SCHIP1: variants seen among roughly 807,000 people sequenced by gnomAD.
The protein encoded by SCHIP1 is schwannomin-interacting protein 1.
SCHIP1 carries 8 observed loss-of-function variants against 29.7 expected under a neutral mutation model. The ratio of observed to expected loss-of-function variants is 0.27; its 90% CI spans 0.16 to 0.49. The LOEUF (loss-of-function observed/expected upper bound fraction) is 0.49. SCHIP1 is among the 20% of genes least tolerant of loss of function. The pLI, the probability that SCHIP1 is intolerant of heterozygous loss-of-function variation, is 0.99. For synonymous variants in SCHIP1, 76 were observed against 94.9 expected (o/e 0.80, Z 1.16); for missense variants, 193 against 294.6 (o/e 0.66, Z 2.52).
the SCHIP1 span, among the ~76,000 whole-genome samples, chr3:159,378,496 T>C: frequency 7.9e-3 from 1,210 of 152,342 alleles, 18 homozygotes; most frequent in African/African-American, 0.027. Flanking sequence ...AAATCTCATC[T>C]CTGACCAATC....
At chr3:159,627,124 G>A in the SCHIP1 span, among the ~76,000 whole-genome samples, 1 of 152,082 alleles carries the variant, frequency 6.6e-6, no homozygotes, top group African/African-American at 2.4e-5. Context: ...ATGAGAACAT[G>A]CACTGTTTGG....
chr3:159,485,700 A>T, the SCHIP1 span, among the ~76,000 whole-genome samples: 15 of 152,234 alleles, frequency 9.9e-5, no homozygotes, highest in South Asian at 3.1e-3. Flanking sequence ...CCGTTTCCTT[A>T]TTTGTAAAAC....
At chr3:159,532,515 TTTG>T in the SCHIP1 span, among the ~76,000 whole-genome samples, 1 of 152,224 alleles carries the variant, frequency 6.6e-6, no homozygotes, top group Non-Finnish European at 1.5e-5. Context: ...TATTCAAAAA[TTTG>T]TTTTTATCTT....
Position 159,875,018 on chromosome 3 carries a change from T to TAAAA in SCHIP1, c.149+8748_149+8751dup, listed in dbSNP as rs532553787. On this transcript the variant is annotated intron_variant, in intron 2 of 6. Transcript: ENST00000445224. ...CTATTTGAAAGGCCACTGGGTAGTC[T>TAAAA]AAAAAAAAAAAAAACAAAAACTATC... Among the ~76,000 whole-genome samples the TAAAA allele has an allele frequency of 6.1e-4, 74 of 120,566 alleles. 2 individuals carry two copies. The highest frequency in any genetic ancestry group is 2.1e-3 in the African/African-American group (66 of 31,864). 79.1% of individuals were successfully genotyped at this position (120,566 alleles called of 152,430 possible).
At chr3:159,347,893 A>G in the SCHIP1 span, among the ~76,000 whole-genome samples, 1 of 152,170 alleles carries the variant, frequency 6.6e-6, no homozygotes, top group South Asian at 2.1e-4. Flanking sequence ...TTTATTCACA[A>G]TCCTGGTATG....
chr3:159,780,043 G>T, the SCHIP1 span, among the ~76,000 whole-genome samples: 2 of 152,138 alleles, frequency 1.3e-5, no homozygotes, highest in South Asian at 2.1e-4. Context: ...CCGTTTGGGG[G>T]ACTACCTCTT....
chr3:159,442,903 A>G, the SCHIP1 span, among the ~76,000 whole-genome samples: 27 of 152,334 alleles, frequency 1.8e-4, no homozygotes, highest in African/African-American at 6.0e-4. Flanking sequence ...TGAGAATATT[A>G]TTGATCTAAT....
the SCHIP1 span, among the ~76,000 whole-genome samples, chr3:159,295,792 G>A: frequency 2.6e-5 from 4 of 152,192 alleles, no homozygotes; most frequent in Admixed American, 1.3e-4. Context: ...GAAGACAGAC[G>A]TGGTTGATGT....
At chr3:159,695,233 G>C in the SCHIP1 span, among the ~76,000 whole-genome samples, 2 of 152,152 alleles carry the variant, frequency 1.3e-5, no homozygotes, top group African/African-American at 4.8e-5. Flanking sequence ...TGTTAGAGAA[G>C]ATTTTCAATC....
the SCHIP1 span, among the ~76,000 whole-genome samples, chr3:159,470,854 C>G: frequency 2.6e-5 from 4 of 151,940 alleles, no homozygotes; most frequent in Non-Finnish European, 5.9e-5. Flanking sequence ...AATTTCAATT[C>G]ATATCTTCAA....
the SCHIP1 span, among the ~76,000 whole-genome samples, chr3:159,746,479 G>T: frequency 1.3e-5 from 2 of 152,116 alleles, no homozygotes; most frequent in African/African-American, 2.4e-5. Context: ...TTTTATAAAT[G>T]GTGCAGATCT....
At chr3:159,889,818 C>T (rs911814662) in intron 5 of SCHIP1, among the ~76,000 whole-genome samples, 8 of 152,006 alleles carry the variant, frequency 5.3e-5, no homozygotes, top group African/African-American at 9.7e-5. Flanking sequence ...AAAAGCTGGC[C>T]GGGCGCGGTG....
chr3:159,477,751 C>T, the SCHIP1 span, among the ~76,000 whole-genome samples: 1 of 152,056 alleles, frequency 6.6e-6, no homozygotes, highest in African/African-American at 2.4e-5. Context: ...TTAATTGTTT[C>T]CTTTGCTGTG....
the SCHIP1 span, among the ~76,000 whole-genome samples, chr3:159,817,064 G>A: frequency 6.6e-6 from 1 of 152,126 alleles, no homozygotes; most frequent in Non-Finnish European, 1.5e-5. Flanking sequence ...GGCTGGGACT[G>A]TGTCTTATCT....
At chr3:159,754,472 G>C in the SCHIP1 span, among the ~76,000 whole-genome samples, 1 of 152,002 alleles carries the variant, frequency 6.6e-6, no homozygotes, top group South Asian at 2.1e-4. Flanking sequence ...TTATTGAACC[G>C]TTCTGTTGGG....
chr3:159,342,931 C>T, the SCHIP1 span, among the ~76,000 whole-genome samples: 1 of 152,070 alleles, frequency 6.6e-6, no homozygotes, highest in African/African-American at 2.4e-5. Context: ...TAAAAACTAA[C>T]TTAAATGAAA....
chr3:159,751,711 A>G, the SCHIP1 span, among the ~76,000 whole-genome samples: 3 of 151,682 alleles, frequency 2.0e-5, no homozygotes, highest in Non-Finnish European at 4.4e-5. Flanking sequence ...TGCCCAGCTA[A>G]TTTTTTTGTA....
the SCHIP1 span, among the ~76,000 whole-genome samples, chr3:159,393,066 A>T: frequency 2.0e-5 from 3 of 152,216 alleles, no homozygotes; most frequent in African/African-American, 7.2e-5. Flanking sequence ...ATGGCCAGTG[A>T]TGATGAGCAT....
At chr3:159,381,877 C>G in the SCHIP1 span, among the ~76,000 whole-genome samples, 1 of 152,106 alleles carries the variant, frequency 6.6e-6, no homozygotes, top group Non-Finnish European at 1.5e-5. Context: ...AGATTACAGG[C>G]GTGAGCCACT....
Sources: gnomAD v4.1 joint callset for allele counts (sites outside exome capture counted in the v4.1 genomes callset) on GRCh38, gnomAD v4.1.1 for gene constraint, MANE v1.5 for transcripts, NCBI Gene and HGNC (gene_info 2026-07-23, HGNC 2026-07-21) for gene names.